Variants in TBC1D8 observed in about 807,000 individuals in gnomAD.
TBC1D8 encodes the protein BUB2-like protein 1.
A neutral mutation model predicts 118.8 loss-of-function variants in TBC1D8; 65 were observed. The observed-to-expected ratio is 0.55, with a 90% CI of 0.45 to 0.67. TBC1D8 has a LOEUF of 0.67. Among genes scored for constraint, TBC1D8 ranks in the 30% least tolerant of loss-of-function variants. The pLI is 0.00. For synonymous variants in TBC1D8, 566 were observed against 595.8 expected (o/e 0.95, Z 0.73); for missense variants, 1,376 against 1,471.2 (o/e 0.94, Z 1.06).
At chr2:101,037,874 GAC>G (rs1228764259) in intron 7 of TBC1D8, among the ~76,000 whole-genome samples, 166 bp from the exon 8 acceptor site, 7 of 152,268 alleles carry the variant, frequency 4.6e-5, no homozygotes, top group East Asian at 1.9e-4. Context: ...CTCCTAGGAA[GAC>G]ACAGTCCCAC....
intron 1 of TBC1D8, among the ~76,000 whole-genome samples, chr2:101,147,994 A>G (rs1679389845): frequency 6.6e-6 from 1 of 152,150 alleles, no homozygotes; most frequent in Non-Finnish European, 1.5e-5. Context: ...CTGCCATGCT[A>G]TGCTCTAACC....
intron 17 of TBC1D8, among the ~76,000 whole-genome samples, chr2:101,021,470 G>A (rs1345800156): frequency 2.6e-5 from 4 of 152,160 alleles, no homozygotes; most frequent in African/African-American, 4.8e-5. Context: ...AGGCCCTCCA[G>A]GCAACTCTGG....
chr2:101,044,519 C>T (rs1042320874), intron 5 of TBC1D8, among the ~76,000 whole-genome samples: 1 of 152,222 alleles, frequency 6.6e-6, no homozygotes, highest in African/African-American at 2.4e-5. Flanking sequence ...CCAGTACTTC[C>T]TAAGTGCCTT....
chr2:101,031,452 C>T (rs577014159), intron 11 of TBC1D8, among the ~76,000 whole-genome samples: 32 of 152,314 alleles, frequency 2.1e-4, no homozygotes, highest in Non-Finnish European at 2.9e-4. Context: ...TATATCCACT[C>T]GGTTGCTAAA....
intron 4 of TBC1D8, among the ~76,000 whole-genome samples, chr2:101,051,733 G>A (rs1007240243): frequency 6.6e-6 from 1 of 152,124 alleles, no homozygotes; most frequent in Non-Finnish European, 1.5e-5. Context: ...GATCATTAGA[G>A]AAATGCAAAT....
chr2:101,133,068 G>A (rs962754558), intron 1 of TBC1D8, among the ~76,000 whole-genome samples: 2 of 150,832 alleles, frequency 1.3e-5, no homozygotes, highest in Non-Finnish European at 1.5e-5. Context: ...GCTGAGGCAG[G>A]AGAATTGCTT....
chr2:101,068,600 C>T, intron 2 of TBC1D8: 1 of 553,230 alleles, frequency 1.8e-6, no homozygotes, highest in Non-Finnish European at 3.3e-6. Context: ...CCAAGCAGCA[C>T]AGGATACAAT....
At position 101,009,988 on chromosome 2, in the gene TBC1D8, A is replaced by AT. The variant is rs1028879529; in HGVS notation, c.3015+940dup. Reference sequence around the variant, plus strand: ...AGGCGCCCGCCACCACGTCCAGCTAATTTTTTTTTTTGTATTTTTAGTAGA... The same window carrying AT: ...AGGCGCCCGCCACCACGTCCAGCTAATTTTTTTTTTTTGTATTTTTAGTAGA... On this transcript the variant is annotated intron_variant, in intron 19 of 19. Coordinates refer to ENST00000409318, the MANE Select transcript of TBC1D8 (RefSeq NM_001330348.2). 6.5e-3 allele frequency among the ~76,000 whole-genome samples: 945 copies of AT among 146,208 alleles called. 4 individuals carry two copies. The highest frequency in any genetic ancestry group is 8.2e-3 in the Non-Finnish European group (539 of 65,934).
intron 5 of TBC1D8, among the ~76,000 whole-genome samples, chr2:101,040,721 C>T (rs1452057884): frequency 2.0e-5 from 3 of 152,250 alleles, no homozygotes; most frequent in African/African-American, 7.2e-5. Context: ...CCACCCACCT[C>T]GGCCTCCCAA....
At position 101,130,868 on chromosome 2, in the gene TBC1D8, T is replaced by C. The variant is rs1678563278; in HGVS notation, c.127+20259A>G. Among the ~76,000 whole-genome samples the C allele has an allele frequency of 1.3e-5, 2 of 152,206 alleles. 1 individual carries two copies. The highest frequency in any genetic ancestry group is 4.1e-4 in the South Asian group (2 of 4,828). On this transcript the variant is annotated intron_variant, in intron 1 of 19. Transcript: ENST00000409318. ...GGTCTTCATTCTCTTAATATCTAAC[T>C]GTTATTGACCACAATCAAGCCCCAA... is the stretch of plus-strand genomic sequence containing the variant.
At chr2:101,147,788 G>T (rs1427959729) in intron 1 of TBC1D8, among the ~76,000 whole-genome samples, 1 of 152,132 alleles carries the variant, frequency 6.6e-6, no homozygotes, top group Non-Finnish European at 1.5e-5. Flanking sequence ...CAGCAATGTT[G>T]TGTGTTCTTT....
intron 15 of TBC1D8, among the ~76,000 whole-genome samples, chr2:101,026,463 TACTA>T (rs939082163): frequency 6.6e-5 from 10 of 152,198 alleles, no homozygotes; most frequent in African/African-American, 1.9e-4. Flanking sequence ...GTGAGGAACC[TACTA>T]ACTAACCCAA....
rs1355124766 is a variant in TBC1D8, at chr2:101,014,230, GT to G, written c.2828-2691del. Among the ~76,000 whole-genome samples, 23 of 151,290 alleles carry G rather than the reference GT, an allele frequency of 1.5e-4. 1 individual carries two copies. Among genetic ancestry groups the G allele is most frequent in the Admixed American group, 1.1e-3 (17 of 15,210 alleles). Reference sequence around the variant, plus strand: ...TTTTTCAAGGAAGTTTATATTCTATGTTTCCATATTTTTCAAAATCTTCTGT... The same window carrying G: ...TTTTTCAAGGAAGTTTATATTCTATGTTCCATATTTTTCAAAATCTTCTGT... On this transcript the variant is annotated intron_variant, in intron 17 of 19. Transcript: ENST00000409318.
At chr2:101,037,954 C>T (rs1681129459) in intron 7 of TBC1D8, among the ~76,000 whole-genome samples, 1 of 152,166 alleles carries the variant, frequency 6.6e-6, no homozygotes, top group Non-Finnish European at 1.5e-5. Flanking sequence ...ATATGCAGTT[C>T]CTCATGGGCA....
intron 15 of TBC1D8, chr2:101,023,624 G>GTTTT: frequency 5.0e-6 from 2 of 399,684 alleles, no homozygotes; most frequent in Admixed American, 6.3e-5. Flanking sequence ...TTTTTTTTAA[G>GTTTT]TTTTTTTTTT....
At chr2:101,071,122 G>A (rs182894372) in intron 2 of TBC1D8, among the ~76,000 whole-genome samples, 197 of 152,138 alleles carry the variant, frequency 1.3e-3, no homozygotes, top group African/African-American at 4.3e-3. Flanking sequence ...GGCGGATCAC[G>A]AGGTCAGGAG....
intron 2 of TBC1D8, among the ~76,000 whole-genome samples, chr2:101,077,158 G>A (rs1674891163): frequency 6.6e-6 from 1 of 151,478 alleles, no homozygotes; most frequent in Non-Finnish European, 1.5e-5. Context: ...CGGGTAGATG[G>A]GACTACAGGT....
At chr2:101,090,422 T>G (rs888794312) in intron 1 of TBC1D8, 58 bp from the exon 2 acceptor site, 19 of 1,588,868 alleles carry the variant, frequency 1.2e-5, no homozygotes, top group Non-Finnish European at 1.5e-5. Context: ...CAGCTCCTCA[T>G]GCGTGTGAGG....
intron 19 of TBC1D8, among the ~76,000 whole-genome samples, chr2:101,009,800 T>G (rs189264446): frequency 6.6e-5 from 10 of 151,220 alleles, no homozygotes; most frequent in African/African-American, 2.4e-4. Context: ...CCAAAATGAC[T>G]TAAGTCCTAT....
Sources: gnomAD v4.1 joint callset for allele counts (sites outside exome capture counted in the v4.1 genomes callset) on GRCh38, gnomAD v4.1.1 for gene constraint, MANE v1.5 for transcripts, NCBI Gene and HGNC (gene_info 2026-07-23, HGNC 2026-07-21) for gene names.